PLEKHD1: variants seen among roughly 807,000 people sequenced by gnomAD.
PLEKHD1 encodes the protein pleckstrin homology domain-containing family D member 1.
In PLEKHD1, 51 loss-of-function variants were observed where a neutral mutation model predicts 69.2. The ratio of observed to expected loss-of-function variants is 0.74; its 90% CI spans 0.59 to 0.93. The LOEUF (loss-of-function observed/expected upper bound fraction) is 0.93. Ranked by LOEUF, PLEKHD1 falls within the 40% of genes least tolerant of loss-of-function variation. The pLI is 0.00. For missense variants in PLEKHD1, 584 were observed against 641.0 expected (o/e 0.91, Z 0.96); for synonymous variants, 236 against 244.7 (o/e 0.96, Z 0.33).
chr14:69,525,023 G>A (rs1218831935), intron 8 of PLEKHD1, among the ~76,000 whole-genome samples: 2 of 152,050 alleles, frequency 1.3e-5, no homozygotes, highest in South Asian at 4.1e-4. Flanking sequence ...TCTGCTTGGA[G>A]AACTTCTATT....
chr14:69,497,163 A>AT (rs1258306408), intron 1 of PLEKHD1, among the ~76,000 whole-genome samples: 3 of 152,106 alleles, frequency 2.0e-5, no homozygotes, highest in African/African-American at 7.2e-5. Flanking sequence ...GCGCAATCTC[A>AT]TTTGACCCTC....
chr14:69,504,405 C>T lies in PLEKHD1; in HGVS notation c.555+1526C>T, dbSNP rs1481101152. On this transcript the variant is annotated intron_variant, in intron 6 of 12. Coordinates refer to ENST00000322564, the MANE Select transcript of PLEKHD1 (RefSeq NM_001161498.2). ...ACCTCTAACTTGACTCTTAGGAAGT[C>T]CTCAGTTTTCCCACCCACCCCTCCC... Among the ~76,000 whole-genome samples the T allele has an allele frequency of 2.0e-5, 3 of 152,196 alleles. No individual in the cohort carries two copies. In the East Asian group the frequency reaches 5.8e-4, roughly 29 times the overall value.
At chr14:69,504,981 T>C (rs114231416) in intron 6 of PLEKHD1, among the ~76,000 whole-genome samples, 1,710 of 152,326 alleles carry the variant, frequency 0.011, 35 homozygotes, top group African/African-American at 0.04. Context: ...GACAGACTTA[T>C]CCATCAGAGA....
upstream of PLEKHD1, among the ~76,000 whole-genome samples, chr14:69,480,487 G>A (rs1244193825): frequency 2.0e-5 from 3 of 152,200 alleles, no homozygotes; most frequent in Non-Finnish European, 4.4e-5. Context: ...TGAGGAGTTG[G>A]CACTATGGGA....
chr14:69,481,839 C>T (rs1320962530), upstream of PLEKHD1, among the ~76,000 whole-genome samples: 1 of 152,210 alleles, frequency 6.6e-6, no homozygotes, highest in Non-Finnish European at 1.5e-5. Context: ...ACTGGTCTCA[C>T]TTACTTCCTG....
intron 2 of PLEKHD1, 63 bp from the exon 3 acceptor site, chr14:69,500,514 C>T (rs1882999093): frequency 7.0e-7 from 1 of 1,421,196 alleles, no homozygotes; most frequent in Admixed American, 2.5e-5. Context: ...CCAGGGGCCC[C>T]CAGAACCCCT....
the PLEKHD1 span, among the ~76,000 whole-genome samples, chr14:69,476,465 C>T: frequency 0.17 from 25,524 of 151,606 alleles, 2,475 homozygotes; most frequent in Middle Eastern, 0.27. Context: ...CTTGGGAGGC[C>T]GAGGAGAGAG....
At chr14:69,471,280 ATT>A in the PLEKHD1 span, among the ~76,000 whole-genome samples, 1 of 150,352 alleles carries the variant, frequency 6.7e-6, no homozygotes, top group Admixed American at 6.6e-5. Flanking sequence ...TGATTTTTAA[ATT>A]TTTATTTTTG....
chr14:69,479,901 A>T (rs760362329), upstream of PLEKHD1, among the ~76,000 whole-genome samples: 5 of 152,108 alleles, frequency 3.3e-5, no homozygotes, highest in Non-Finnish European at 5.9e-5. Context: ...GAAGTTGAGG[A>T]CCTGATAGGT....
At chr14:69,468,339 G>A in the PLEKHD1 span, among the ~76,000 whole-genome samples, 1 of 152,180 alleles carries the variant, frequency 6.6e-6, no homozygotes, top group Non-Finnish European at 1.5e-5. Flanking sequence ...ACTGCATGTG[G>A]CAGATACTCC....
intron 6 of PLEKHD1, 50 bp downstream of exon 6, chr14:69,502,929 T>C: frequency 6.5e-7 from 1 of 1,541,908 alleles, no homozygotes; most frequent in Non-Finnish European, 8.8e-7. Flanking sequence ...ATGGCTCACG[T>C]TTCTAGCACT....
chr14:69,491,364 G>A (rs566562849), intron 1 of PLEKHD1, among the ~76,000 whole-genome samples: 2 of 152,094 alleles, frequency 1.3e-5, no homozygotes, highest in Non-Finnish European at 2.9e-5. Flanking sequence ...TCTCTGGTAG[G>A]CACCCCACCT....
At chr14:69,512,707 T>A (rs1014077181) in intron 6 of PLEKHD1, among the ~76,000 whole-genome samples, 3 of 152,178 alleles carry the variant, frequency 2.0e-5, no homozygotes, top group African/African-American at 7.2e-5. Context: ...AACTTTCTTT[T>A]GTTGATTTCT....
intron 4 of PLEKHD1, 104 bp downstream of exon 4, chr14:69,501,051 G>T: frequency 2.4e-6 from 3 of 1,229,970 alleles, no homozygotes; most frequent in Non-Finnish European, 3.5e-6. Flanking sequence ...TGGGCACAGG[G>T]CCAGGGCTGT....
intron 1 of PLEKHD1, among the ~76,000 whole-genome samples, chr14:69,492,131 T>C (rs1466585517): frequency 1.3e-5 from 2 of 152,158 alleles, no homozygotes; most frequent in Non-Finnish European, 2.9e-5. Context: ...AACTCACTCC[T>C]TACCGCACCT....
chr14:69,487,253 C>A (rs1017679175), intron 1 of PLEKHD1, among the ~76,000 whole-genome samples: 25 of 150,116 alleles, frequency 1.7e-4, no homozygotes, highest in Admixed American at 7.9e-4. Context: ...AGTGACAGAG[C>A]CAGCCAGAGA....
the PLEKHD1 span, among the ~76,000 whole-genome samples, chr14:69,476,257 C>CAAA: frequency 0.16 from 12,527 of 77,040 alleles, 1,284 homozygotes; most frequent in South Asian, 0.24. Context: ...GACTCTGTCT[C>CAAA]AAAAAAAAAA....
At chr14:69,500,724 C>G (rs544448015) in intron 3 of PLEKHD1, 58 bp downstream of exon 3, 2 of 1,532,112 alleles carry the variant, frequency 1.3e-6, no homozygotes, top group East Asian at 4.9e-5. Flanking sequence ...CCTCTCAGGC[C>G]TCTTCAGGAC....
At chr14:69,525,543 T>G (rs2139532173) in intron 8 of PLEKHD1, among the ~76,000 whole-genome samples, 1 of 152,162 alleles carries the variant, frequency 6.6e-6, no homozygotes, top group South Asian at 2.1e-4. Context: ...GATGCAGTGG[T>G]GCAATCATAG....
Sources: gnomAD v4.1 joint callset for allele counts (sites outside exome capture counted in the v4.1 genomes callset) on GRCh38, gnomAD v4.1.1 for gene constraint, MANE v1.5 for transcripts, NCBI Gene and HGNC (gene_info 2026-07-23, HGNC 2026-07-21) for gene names.